Variants in KCNIP4 observed in about 807,000 individuals in gnomAD.
KCNIP4 encodes Kv channel-interacting protein 4.
A neutral mutation model predicts 34.0 loss-of-function variants in KCNIP4; 12 were observed. The ratio of observed to expected loss-of-function variants is 0.35; its 90% CI spans 0.23 to 0.57. The LOEUF is 0.57. Among genes scored for constraint, KCNIP4 ranks in the 20% least tolerant of loss-of-function variants. The pLI, the probability that KCNIP4 is intolerant of heterozygous loss-of-function variation, is 0.83. For missense variants in KCNIP4, 238 were observed against 311.7 expected, an observed-to-expected ratio of 0.76 and a Z score of 1.78; for synonymous variants, 124 against 102.2, an observed-to-expected ratio of 1.21 and a Z score of -1.29.
chr4:21,001,228 A>C (rs982737472), intron 1 of KCNIP4, among the ~76,000 whole-genome samples: 6 of 152,204 alleles, frequency 3.9e-5, no homozygotes, highest in Admixed American at 3.9e-4. Context: ...CATCACCCTT[A>C]AATATTTTGT....
At chr4:21,234,487 GTATATAA>G (rs1306109683) in intron 1 of KCNIP4, among the ~76,000 whole-genome samples, 1 of 86,288 alleles carries the variant, frequency 1.2e-5, no homozygotes, top group South Asian at 3.2e-4. Context: ...TACATATAAC[GTATATAA>G]TATATATTAC....
intron 1 of KCNIP4, among the ~76,000 whole-genome samples, chr4:21,501,987 G>GCACA (rs529865274): frequency 2.5e-4 from 24 of 94,844 alleles, no homozygotes; most frequent in Admixed American, 1.2e-3. Context: ...TCTCTCTCAT[G>GCACA]CACACGCACA....
intron 1 of KCNIP4, among the ~76,000 whole-genome samples, chr4:21,085,809 G>A (rs913553653): frequency 6.6e-6 from 1 of 152,168 alleles, no homozygotes; most frequent in Admixed American, 6.5e-5. Context: ...AAGTTCACAC[G>A]TATGCTAGGA....
At chr4:21,692,250 C>T (rs951965359) in intron 1 of KCNIP4, among the ~76,000 whole-genome samples, 4 of 152,134 alleles carry the variant, frequency 2.6e-5, no homozygotes, top group African/African-American at 9.7e-5. Context: ...TGTAATAAAA[C>T]ATTAACATGC....
intron 1 of KCNIP4, among the ~76,000 whole-genome samples, chr4:21,553,024 G>A (rs1298326898): frequency 6.6e-6 from 1 of 151,946 alleles, no homozygotes; most frequent in Non-Finnish European, 1.5e-5. Flanking sequence ...ATTAGGTGGT[G>A]GCCAGTGGGG....
At chr4:21,448,496 G>A (rs1007394494) in intron 1 of KCNIP4, among the ~76,000 whole-genome samples, 2 of 152,102 alleles carry the variant, frequency 1.3e-5, no homozygotes, top group African/African-American at 4.8e-5. Context: ...ATATTTCTAA[G>A]CAAATTGTTG....
chr4:21,094,013 C>T (rs185155239), intron 1 of KCNIP4, among the ~76,000 whole-genome samples: 6 of 151,904 alleles, frequency 3.9e-5, no homozygotes, highest in Admixed American at 6.6e-5. Flanking sequence ...ACCCGGGAGG[C>T]AGAGCTTGCA....
At chr4:21,203,298 A>G (rs1158666398) in intron 1 of KCNIP4, among the ~76,000 whole-genome samples, 1 of 152,206 alleles carries the variant, frequency 6.6e-6, no homozygotes, top group Admixed American at 6.5e-5. Flanking sequence ...TCAAAGTCAC[A>G]GTGCCCATGG....
intron 1 of KCNIP4, among the ~76,000 whole-genome samples, chr4:21,549,071 C>T (rs961737094): frequency 6.6e-6 from 1 of 151,770 alleles, no homozygotes; most frequent in African/African-American, 2.4e-5. Context: ...GGCCAAATGT[C>T]CCCTGGGGCC....
At chr4:21,792,671 C>T in intron 1 of KCNIP4, among the ~76,000 whole-genome samples, 1 of 152,140 alleles carries the variant, frequency 6.6e-6, no homozygotes, top group Admixed American at 6.5e-5. Flanking sequence ...ATGGCTGAGG[C>T]CAGCAGACAG....
At chr4:20,839,474 A>T (rs917686035) in intron 3 of KCNIP4, among the ~76,000 whole-genome samples, 1 of 137,282 alleles carries the variant, frequency 7.3e-6, no homozygotes, top group African/African-American at 2.7e-5. Context: ...TCTATATTGT[A>T]TACCATGTAT....
intron 1 of KCNIP4, among the ~76,000 whole-genome samples, chr4:21,018,520 G>A (rs1228453771): frequency 6.6e-6 from 1 of 152,046 alleles, no homozygotes; most frequent in Admixed American, 6.5e-5. Flanking sequence ...TAGAGGATGC[G>A]ATGGAAGGCT....
chr4:20,892,264 C>T (rs572630991), intron 1 of KCNIP4, among the ~76,000 whole-genome samples: 47 of 152,268 alleles, frequency 3.1e-4, no homozygotes, highest in Middle Eastern at 6.8e-3. Flanking sequence ...TTGCTGAAAA[C>T]GATCTACAGA....
At chr4:21,108,121 G>C (rs961862833) in intron 1 of KCNIP4, among the ~76,000 whole-genome samples, 8 of 151,416 alleles carry the variant, frequency 5.3e-5, no homozygotes, top group Non-Finnish European at 1.0e-4. Context: ...GGCGTTCTCT[G>C]TATTTCCTGT....
At chr4:21,911,660 T>C (rs1295097560) in intron 1 of KCNIP4, among the ~76,000 whole-genome samples, 1 of 139,416 alleles carries the variant, frequency 7.2e-6, no homozygotes, top group African/African-American at 2.7e-5. Context: ...ACACACAGAG[T>C]CTGGTATTGG....
rs370427338 is a variant in KCNIP4 at position 20,947,665 on chromosome 4, T to C, written c.62-64956A>G. Among the ~76,000 whole-genome samples, 29 of 152,296 alleles carry C rather than the reference T, an allele frequency of 1.9e-4. No homozygotes were observed. In the South Asian group the frequency reaches 3.9e-3, roughly 21 times the overall value. On this transcript the variant is annotated intron_variant, in intron 1 of 8. Transcript: ENST00000382152. ...GAGAAGCCTGAAAGTGTAAGGAAGC[T>C]CCTTAACTTTATTTTGGTTCCTTCT... is the stretch of plus-strand genomic sequence containing the variant.
chr4:21,035,761 C>T (rs1047831825), intron 1 of KCNIP4, among the ~76,000 whole-genome samples: 7 of 152,178 alleles, frequency 4.6e-5, no homozygotes, highest in African/African-American at 1.7e-4. Flanking sequence ...TTTTCTAGTG[C>T]CTTTTGCTGC....
chr4:21,157,097 G>A (rs541517544), intron 1 of KCNIP4, among the ~76,000 whole-genome samples: 196 of 152,072 alleles, frequency 1.3e-3, no homozygotes, highest in Non-Finnish European at 2.3e-3. Flanking sequence ...ATGTAACCTC[G>A]CTGAGGCTTC....
intron 1 of KCNIP4, among the ~76,000 whole-genome samples, chr4:21,693,619 C>A (rs569202104): frequency 6.6e-6 from 1 of 152,086 alleles, no homozygotes; most frequent in African/African-American, 2.4e-5. Flanking sequence ...GTGGCTTGAC[C>A]CACAATAACT....
Sources: allele counts gnomAD v4.1 joint callset (sites outside exome capture counted in the v4.1 genomes callset), GRCh38; gene constraint gnomAD v4.1.1; transcripts MANE v1.5; gene names NCBI Gene and HGNC (gene_info 2026-07-23, HGNC 2026-07-21).